PCDHGA4: variants seen among roughly 807,000 people sequenced by gnomAD.
The protein encoded by PCDHGA4 is protocadherin gamma subfamily A, 4, also known as protocadherin gamma-A4.
In PCDHGA4, 38 loss-of-function variants were observed where a neutral mutation model predicts 54.6. The observed-to-expected ratio is 0.70, with a 90% CI of 0.54 to 0.91. The LOEUF is 0.91. Among genes scored for constraint, PCDHGA4 ranks in the 40% least tolerant of loss-of-function variants. PCDHGA4 has a pLI of 0.00. For synonymous variants in PCDHGA4, 511 were observed against 512.9 expected, an observed-to-expected ratio of 1.00 and a Z score of 0.05; for missense variants, 1,298 against 1,220.9, an observed-to-expected ratio of 1.06 and a Z score of -0.94.
intron 1 of PCDHGA4, chr5:141,404,213 A>G: frequency 6.2e-7 from 1 of 1,613,516 alleles, no homozygotes; most frequent in Non-Finnish European, 8.5e-7. Context: ...ATATAATATC[A>G]CGGTGACTGC....
chr5:141,436,591 G>A (rs903125499), intron 1 of PCDHGA4, among the ~76,000 whole-genome samples: 8 of 152,154 alleles, frequency 5.3e-5, no homozygotes, highest in Non-Finnish European at 1.0e-4. Context: ...TTGAAAGGTC[G>A]TGGTGATGGC....
chr5:141,430,970 A>G (rs1026736997), intron 1 of PCDHGA4: 3 of 1,613,068 alleles, frequency 1.9e-6, no homozygotes, highest in Non-Finnish European at 2.5e-6. Context: ...CCCCAGAGGT[A>G]GGACGCAGCT....
At chr5:141,364,423 C>A (rs773799474) in intron 1 of PCDHGA4, 1 of 1,613,592 alleles carries the variant, frequency 6.2e-7, no homozygotes, top group Non-Finnish European at 8.5e-7. Context: ...CCGGGCAGAT[C>A]CGCTACTCGA....
chr5:141,392,779 T>C (rs757880986), intron 1 of PCDHGA4: 1 of 1,534,720 alleles, frequency 6.5e-7, no homozygotes, highest in African/African-American at 1.4e-5. Context: ...TTATGCACAG[T>C]GAAGATTCTG....
Position 141,363,485 on chromosome 5 carries a change from T to A in PCDHGA4, c.2514+5864T>A, listed in dbSNP as rs1022472652. On this transcript the variant is annotated intron_variant, in intron 1 of 3. Transcript: ENST00000571252. ...ATCTGCTCATGCTTTCCTGCATGGATGATGAAATAAAACCCCATCCTCCAC... is the reference window on the plus strand; with the variant it reads ...ATCTGCTCATGCTTTCCTGCATGGAAGATGAAATAAAACCCCATCCTCCAC... Among the ~76,000 whole-genome samples the A allele has an allele frequency of 5.9e-5, 9 of 152,236 alleles. No homozygotes were observed. The East Asian group carries it at 1.5e-3, about 26-fold the overall frequency.
rs764976894 is a variant in PCDHGA4, at chr5:141,476,238, G to T, written c.2515-18569G>T. On this transcript the variant is annotated intron_variant, in intron 1 of 3. Transcript: ENST00000571252. The surrounding 1 kb of genome is among the most constrained non-coding windows in gnomAD (Gnocchi z 7.6). ...ATTCACTATGAGATCCCGGAGGAAA[G>T]AGAGAAGGGTTTCGCTGTGGGCAAC... is the stretch of plus-strand genomic sequence containing the variant. The T allele has an allele frequency of 3.1e-6, 5 of 1,614,098 alleles. No individual in the cohort carries two copies. The highest frequency in any genetic ancestry group is 4.2e-6 in the Non-Finnish European group (5 of 1,180,012).
At chr5:141,362,367 T>A in intron 1 of PCDHGA4, 1 of 1,614,012 alleles carries the variant, frequency 6.2e-7, no homozygotes, top group Non-Finnish European at 8.5e-7. Context: ...CCAATTACAG[T>A]GAGGGTACAT....
chr5:141,388,745 C>T lies in PCDHGA4; in HGVS notation c.2514+31124C>T, dbSNP rs1280615634. Reference sequence around the variant, plus strand: ...TCTCTTTCAGTGAAGCTAGCCAGATCACCCAATTTGACCTGAACTCTAACA... The same window carrying T: ...TCTCTTTCAGTGAAGCTAGCCAGATTACCCAATTTGACCTGAACTCTAACA... On this transcript the variant is annotated intron_variant, in intron 1 of 3. Coordinates refer to ENST00000571252, the MANE Select transcript of PCDHGA4 (RefSeq NM_018917.4). 3 of 1,614,024 alleles carry T rather than the reference C, an allele frequency of 1.9e-6. No individual in the cohort carries two copies. The Admixed American group carries it at 5.0e-5, about 27-fold the overall frequency.
chr5:141,413,567 A>G (rs950241336), intron 1 of PCDHGA4: 2 of 1,613,936 alleles, frequency 1.2e-6, no homozygotes, highest in Admixed American at 1.7e-5. Context: ...ACTGATATCA[A>G]TGACAATGCT....
chr5:141,367,411 C>G (rs1046748433), intron 1 of PCDHGA4: 8 of 152,236 alleles, frequency 5.3e-5, no homozygotes, highest in Admixed American at 3.9e-4. Context: ...GTGGCAGGCG[C>G]CTGTAGTCCC....
chr5:141,429,638 A>G (rs2097231013), intron 1 of PCDHGA4, among the ~76,000 whole-genome samples: 1 of 152,238 alleles, frequency 6.6e-6, no homozygotes, highest in African/African-American at 2.4e-5. Flanking sequence ...ACAGCTACCT[A>G]TATATTTCTT....
intron 1 of PCDHGA4, chr5:141,385,518 A>T (rs1194402340): frequency 9.5e-6 from 13 of 1,366,176 alleles, no homozygotes; most frequent in Non-Finnish European, 1.2e-5. Flanking sequence ...GTGAAAGCCT[A>T]TGGACAAGAT....
At chr5:141,402,103 A>C (rs565155809) in intron 1 of PCDHGA4, among the ~76,000 whole-genome samples, 3 of 152,336 alleles carry the variant, frequency 2.0e-5, no homozygotes, top group African/African-American at 4.8e-5. Flanking sequence ...TTAAGCAATT[A>C]CAAAAATGTG....
chr5:141,385,549 C>T, intron 1 of PCDHGA4: 3 of 1,316,166 alleles, frequency 2.3e-6, no homozygotes, highest in East Asian at 2.9e-5. Context: ...TGGACTATCA[C>T]ATTTTATAAT....
At chr5:141,460,596 C>G (rs930441447) in intron 1 of PCDHGA4, among the ~76,000 whole-genome samples, 2 of 151,986 alleles carry the variant, frequency 1.3e-5, no homozygotes, top group Non-Finnish European at 2.9e-5. Flanking sequence ...TTTCTGGGCT[C>G]TCTGTGTTAG....
intron 1 of PCDHGA4, chr5:141,479,494 G>C (rs747201739): frequency 2.6e-5 from 4 of 152,256 alleles, no homozygotes; most frequent in Non-Finnish European, 5.9e-5. Flanking sequence ...CCATCAGGTT[G>C]CCTAAAGAGG....
Position 141,431,412 on chromosome 5 carries a change from GC to G in PCDHGA4, c.2515-63394del. ...CTGGTCCTTACGGCCTCCGACGGGG[GC>G]GACCCGGTGCGCACAGGCACCGCGC... On this transcript the variant is annotated intron_variant, in intron 1 of 3. Coordinates refer to ENST00000571252, the MANE Select transcript of PCDHGA4 (RefSeq NM_018917.4). The surrounding 1 kb of genome is among the most constrained non-coding windows in gnomAD (Gnocchi z 4.8). The G allele has an allele frequency of 6.2e-7, 1 of 1,613,714 alleles. No homozygotes were observed. Among genetic ancestry groups the G allele is most frequent in the Non-Finnish European group, 8.5e-7 (1 of 1,180,050 alleles).
intron 1 of PCDHGA4, among the ~76,000 whole-genome samples, chr5:141,472,924 T>G (rs1247655318): frequency 2.0e-5 from 3 of 147,960 alleles, no homozygotes; most frequent in African/African-American, 7.5e-5. Flanking sequence ...AGGAGGAGGT[T>G]GTGGTGAGCC....
intron 1 of PCDHGA4, among the ~76,000 whole-genome samples, chr5:141,472,224 A>G (rs570743680): frequency 1.4e-4 from 21 of 152,330 alleles, no homozygotes; most frequent in African/African-American, 4.1e-4. Context: ...TCTCGATCAT[A>G]TAATACATTC....
Sources: gnomAD v4.1 joint callset for allele counts (sites outside exome capture counted in the v4.1 genomes callset) on GRCh38, gnomAD v4.1.1 for gene constraint, Gnocchi (gnomAD v3.1) non-coding constraint, MANE v1.5 for transcripts, NCBI Gene and HGNC (gene_info 2026-07-23, HGNC 2026-07-21) for gene names.